Variants in VRK2 observed in about 807,000 individuals in gnomAD.
VRK2 encodes serine/threonine-protein kinase VRK2.
A neutral mutation model predicts 57.6 loss-of-function variants in VRK2; 60 were observed. The observed-to-expected ratio is 1.04, with a 90% CI of 0.85 to 1.29. VRK2 has a LOEUF of 1.29. VRK2 is among the 50% of genes most tolerant of loss of function. The probability of loss-of-function intolerance (pLI) is 0.00; values close to 1 mark genes in which losing one functional copy is unlikely to be tolerated. For synonymous variants in VRK2, 231 were observed against 199.2 expected, an observed-to-expected ratio of 1.16 and a Z score of -1.35; for missense variants, 705 against 588.1, an observed-to-expected ratio of 1.20 and a Z score of -2.06.
At chr2:57,956,613 T>C (rs758072807) in intron 1 of VRK2, among the ~76,000 whole-genome samples, 2 of 152,164 alleles carry the variant, frequency 1.3e-5, no homozygotes, top group Admixed American at 6.5e-5. Context: ...AATCCATTCT[T>C]TCTCTTCTTT....
rs567868914 is a variant in VRK2, at chr2:58,135,744, A to G, written c.856+545A>G. 3.9e-5 allele frequency among the ~76,000 whole-genome samples: 6 copies of G among 152,320 alleles called. No homozygotes were observed. In the South Asian group the frequency reaches 6.2e-4, roughly 16 times the overall value. On this transcript the variant is annotated intron_variant, in intron 10 of 12. Transcript: ENST00000340157. Reference sequence around the variant, plus strand: ...GTATATTTCATATTTTCAAGTTAGTATACAATGGAATTTTTAATTGACAAT... The same window carrying G: ...GTATATTTCATATTTTCAAGTTAGTGTACAATGGAATTTTTAATTGACAAT...
chr2:58,140,565 C>G (rs1681187384), intron 11 of VRK2, among the ~76,000 whole-genome samples: 2 of 151,826 alleles, frequency 1.3e-5, no homozygotes, highest in African/African-American at 2.4e-5. Flanking sequence ...GGTCAGGATG[C>G]TATTCATTTT....
rs575481600 is a variant in VRK2, at chr2:58,094,176, G to A, written c.543+4453G>A. ...CTTTTTTGGTTCCATATGAACTTTA[G>A]AGTAGTTTTTTCCAATTCTGTGAAG... On this transcript the variant is annotated intron_variant, in intron 7 of 12. Transcript: ENST00000340157. 2.0e-3 allele frequency among the ~76,000 whole-genome samples: 300 copies of A among 152,194 alleles called. 3 individuals are homozygous for A. The highest frequency in any genetic ancestry group is 8.8e-3 in the Admixed American group (134 of 15,276).
Position 58,135,157 on chromosome 2 carries a change from C to T in VRK2, c.814C>T (p.Pro272Ser), listed in dbSNP as rs376537647. The T allele has an allele frequency of 3.7e-6, 6 of 1,613,984 alleles. No homozygotes were observed. In the African/African-American group the frequency reaches 8.0e-5, roughly 22 times the overall value. Residue 272 changes from proline to serine, a missense_variant, in exon 10 of 13, where the codon CCC becomes TCC. Transcript: ENST00000340157. ...TAKTNLLDEL[P>S]QSVLKWAPSG... The stretch of plus-strand genomic sequence containing the variant: ...TTGTTTTAGTCTGTTGGACGAGCTC[C>T]CCCAGTCAGTGCTTAAATGGGCTCC...
chr2:57,949,989 C>T (rs570900591), intron 1 of VRK2, among the ~76,000 whole-genome samples: 1 of 152,332 alleles, frequency 6.6e-6, no homozygotes, highest in South Asian at 2.1e-4. Flanking sequence ...CCTGAACTCT[C>T]TTCAATTCTG....
chr2:58,126,511 T>C lies in VRK2; in HGVS notation c.676+3278T>C, dbSNP rs114218299. ...GGGAAAAAAATTAGCTATTATGTTATTACCAAAAGATATGCATGGAGATGT... is the reference window on the plus strand; with the variant it reads ...GGGAAAAAAATTAGCTATTATGTTACTACCAAAAGATATGCATGGAGATGT... On this transcript the variant is annotated intron_variant, in intron 8 of 12. Transcript: ENST00000340157. 5.7e-3 allele frequency among the ~76,000 whole-genome samples: 867 copies of C among 152,218 alleles called. 2 individuals carry two copies. The highest frequency in any genetic ancestry group is 9.2e-3 in the Non-Finnish European group (624 of 67,958).
At chr2:58,115,296 G>A (rs1182206710) in intron 7 of VRK2, among the ~76,000 whole-genome samples, 1 of 152,238 alleles carries the variant, frequency 6.6e-6, no homozygotes, top group East Asian at 1.9e-4. Flanking sequence ...GAATAATGTG[G>A]GAGGCCAGAT....
chr2:57,931,261 T>C (rs886086128), intron 1 of VRK2, among the ~76,000 whole-genome samples: 3 of 152,144 alleles, frequency 2.0e-5, no homozygotes, highest in Admixed American at 2.0e-4. Context: ...ACCAAAAGTG[T>C]ACAAGAGTTC....
chr2:58,140,106 G>A (rs1037379538), intron 11 of VRK2, among the ~76,000 whole-genome samples: 9 of 151,956 alleles, frequency 5.9e-5, no homozygotes, highest in Admixed American at 3.9e-4. Flanking sequence ...CTAATCTGAT[G>A]TTACTCATGA....
chr2:58,064,602 T>A (rs1227531335), intron 2 of VRK2, among the ~76,000 whole-genome samples: 1 of 152,144 alleles, frequency 6.6e-6, no homozygotes, highest in Non-Finnish European at 1.5e-5. Context: ...TCACACTACT[T>A]GCTTCATGGC....
rs61174478 is a variant in VRK2, at chr2:57,957,995, A to G, written c.-439+50156A>G. ...AGCGAAGTTGAGGCAATGCAAATCT[A>G]CTTTCACTGACACTGACTGTGTCCA... On this transcript the variant is annotated intron_variant, in intron 1 of 15. Coordinates refer to the VRK2 transcript ENST00000417641. Among the ~76,000 whole-genome samples the G allele has an allele frequency of 8.8e-3, 1,340 of 152,262 alleles. 27 individuals carry two copies. Among genetic ancestry groups the G allele is most frequent in the African/African-American group, 0.03 (1,226 of 41,532 alleles).
At chr2:58,117,343 A>G (rs1232644248) in intron 7 of VRK2, among the ~76,000 whole-genome samples, 2 of 152,162 alleles carry the variant, frequency 1.3e-5, no homozygotes, top group African/African-American at 2.4e-5. Context: ...GGGGAGGGCT[A>G]GTCACAGAAG....
intron 9 of VRK2, 90 bp downstream of exon 9, chr2:58,132,018 C>T: frequency 6.7e-7 from 1 of 1,490,696 alleles, no homozygotes. Context: ...GATTGGCATT[C>T]ACCCAACATG....
At chr2:58,094,968 G>A (rs187425481) in intron 7 of VRK2, among the ~76,000 whole-genome samples, 260 of 152,202 alleles carry the variant, frequency 1.7e-3, no homozygotes, top group Admixed American at 2.0e-3. Flanking sequence ...ATTTATACTG[G>A]ATTTTCTGTA....
intron 7 of VRK2, among the ~76,000 whole-genome samples, chr2:58,099,669 T>C (rs1355926394): frequency 2.6e-5 from 4 of 152,050 alleles, no homozygotes; most frequent in Non-Finnish European, 4.4e-5. Context: ...TAGAGAATAA[T>C]TCTTCATGTC....
intron 1 of VRK2, among the ~76,000 whole-genome samples, chr2:57,929,822 C>T (rs1480268396): frequency 6.6e-6 from 1 of 152,118 alleles, no homozygotes; most frequent in Non-Finnish European, 1.5e-5. Context: ...GCAATGGGTT[C>T]CTTTTTGGCC....
rs541598796 is a variant in VRK2, at chr2:57,978,478, T to A, written c.-438-47187T>A. ...TGCTTAATAAACATTTTATGAAATT[T>A]AAGTCATTGACATCATAAAATTAAG... On this transcript the variant is annotated intron_variant, in intron 1 of 15. Coordinates refer to the VRK2 transcript ENST00000417641. Among the ~76,000 whole-genome samples the A allele has an allele frequency of 1.7e-4, 25 of 151,124 alleles. No individual in the cohort carries two copies. The East Asian group carries it at 4.8e-3, about 29-fold the overall frequency.
chr2:58,045,653 G>A (rs866972924), upstream of VRK2, among the ~76,000 whole-genome samples: 4 of 151,996 alleles, frequency 2.6e-5, no homozygotes, highest in Non-Finnish European at 4.4e-5. Context: ...CTTTCATTTT[G>A]GTGACAGTCT....
At chr2:58,039,285 CACA>C (rs1042919816) in intron 3 of VRK2, among the ~76,000 whole-genome samples, 1 of 152,134 alleles carries the variant, frequency 6.6e-6, no homozygotes, top group African/African-American at 2.4e-5. Flanking sequence ...TGCACTTCCT[CACA>C]ACATTGCCAA....
Sources: gnomAD v4.1 joint callset for allele counts (sites outside exome capture counted in the v4.1 genomes callset) on GRCh38, gnomAD v4.1.1 for gene constraint, MANE v1.5 for transcripts, NCBI Gene and HGNC (gene_info 2026-07-23, HGNC 2026-07-21) for gene names.